The following SPOCK1 variants were observed in gnomAD, a reference collection of about 807,000 sequenced individuals.
SPOCK1 encodes testican-1.
Under a neutral mutation model 55.3 loss-of-function variants are expected in SPOCK1, and 23 were observed. That is an observed-to-expected ratio of 0.42 (90% CI 0.30 to 0.59). The LOEUF (loss-of-function observed/expected upper bound fraction) is 0.59. Among genes scored for constraint, SPOCK1 ranks in the 20% least tolerant of loss-of-function variants. The pLI is 0.22. For missense variants in SPOCK1, 499 were observed against 552.5 expected (o/e 0.90, Z 0.97); for synonymous variants, 226 against 221.0 (o/e 1.02, Z -0.20).
chr5:137,445,478 G>A (rs1753104406), intron 2 of SPOCK1, among the ~76,000 whole-genome samples: 1 of 152,156 alleles, frequency 6.6e-6, no homozygotes, highest in African/African-American at 2.4e-5. Flanking sequence ...AGGGAGGCTT[G>A]GGAAGCTTAC....
At chr5:136,985,103 T>G (rs1313424146) in intron 9 of SPOCK1, 37 bp downstream of exon 9, 12 of 1,593,228 alleles carry the variant, frequency 7.5e-6, no homozygotes, top group Non-Finnish European at 9.5e-6. Flanking sequence ...GCTGGCTTAA[T>G]TAGTTGTTTA....
At chr5:137,039,635 C>T (rs1229537586) in intron 6 of SPOCK1, among the ~76,000 whole-genome samples, 1 of 152,194 alleles carries the variant, frequency 6.6e-6, no homozygotes, top group Non-Finnish European at 1.5e-5. Context: ...CCCACACCAT[C>T]AGTAGGAAAG....
intron 2 of SPOCK1, among the ~76,000 whole-genome samples, chr5:137,466,312 G>A (rs1331724669): frequency 2.6e-5 from 4 of 152,248 alleles, no homozygotes; most frequent in African/African-American, 9.6e-5. Flanking sequence ...GTATTAAGAG[G>A]GTCATGCCTA....
chr5:137,270,103 G>A (rs1756933419), intron 2 of SPOCK1, among the ~76,000 whole-genome samples: 1 of 152,186 alleles, frequency 6.6e-6, no homozygotes, highest in Admixed American at 6.5e-5. Flanking sequence ...CCCTGAAGCT[G>A]ACAAAGTGCA....
chr5:137,171,069 A>G (rs563826950), intron 3 of SPOCK1, among the ~76,000 whole-genome samples: 36 of 152,128 alleles, frequency 2.4e-4, no homozygotes, highest in Non-Finnish European at 4.3e-4. Context: ...ACAGTGTCCT[A>G]TGGAGTGAAC....
At chr5:137,367,043 T>C (rs1440729648) in intron 2 of SPOCK1, among the ~76,000 whole-genome samples, 1 of 152,226 alleles carries the variant, frequency 6.6e-6, no homozygotes, top group Non-Finnish European at 1.5e-5. Context: ...TTCCAGTGTT[T>C]TTGTTTTGTC....
At chr5:137,054,151 T>C (rs183582507) in intron 6 of SPOCK1, among the ~76,000 whole-genome samples, 5 of 152,232 alleles carry the variant, frequency 3.3e-5, no homozygotes. Flanking sequence ...TTCATAATTA[T>C]CTCAATTAAT....
chr5:137,494,627 T>C (rs867814754), intron 2 of SPOCK1, among the ~76,000 whole-genome samples: 8 of 152,258 alleles, frequency 5.3e-5, no homozygotes, highest in African/African-American at 4.8e-5. Context: ...CAGACTGTAT[T>C]ATGTTTCTAG....
chr5:137,090,001 G>A (rs1054712356), intron 5 of SPOCK1, among the ~76,000 whole-genome samples: 1 of 152,182 alleles, frequency 6.6e-6, no homozygotes, highest in African/African-American at 2.4e-5. Flanking sequence ...CCAGGTGTAA[G>A]CACTAGGATC....
At chr5:137,352,606 G>A (rs1750707917) in intron 2 of SPOCK1, among the ~76,000 whole-genome samples, 1 of 152,138 alleles carries the variant, frequency 6.6e-6, no homozygotes, top group African/African-American at 2.4e-5. Context: ...AAGAAGCCAT[G>A]GTGGAAAGAC....
intron 7 of SPOCK1, among the ~76,000 whole-genome samples, chr5:136,989,019 C>CA (rs1750897880): frequency 6.6e-6 from 1 of 152,082 alleles, no homozygotes; most frequent in Non-Finnish European, 1.5e-5. Flanking sequence ...TTTCGTATTT[C>CA]AAAAAATACT....
intron 3 of SPOCK1, among the ~76,000 whole-genome samples, chr5:137,141,743 G>C (rs1043906670): frequency 6.6e-6 from 1 of 152,146 alleles, no homozygotes. Flanking sequence ...AGAGTGAACC[G>C]GCACAGAGAG....
chr5:137,244,437 A>G lies in SPOCK1; in HGVS notation c.232+22573T>C, dbSNP rs532132204. Reference sequence around the variant, plus strand: ...CACATAACAGAATTTGAAGGGGGAAAAAACCATTTTTGAGGCAACTAAAAA... The same window carrying G: ...CACATAACAGAATTTGAAGGGGGAAGAAACCATTTTTGAGGCAACTAAAAA... On this transcript the variant is annotated intron_variant, in intron 3 of 10. Transcript: ENST00000394945. 2.6e-4 allele frequency among the ~76,000 whole-genome samples: 39 copies of G among 152,348 alleles called. No homozygotes were observed. The South Asian group carries it at 7.0e-3, about 28-fold the overall frequency.
At chr5:137,132,375 T>G (rs965793496) in intron 4 of SPOCK1, among the ~76,000 whole-genome samples, 1 of 151,942 alleles carries the variant, frequency 6.6e-6, no homozygotes. Context: ...ACCTAGTAAT[T>G]ATCTATTCAA....
chr5:137,014,305 C>A (rs1250433191), intron 6 of SPOCK1, among the ~76,000 whole-genome samples: 1 of 152,182 alleles, frequency 6.6e-6, no homozygotes, highest in Non-Finnish European at 1.5e-5. Context: ...GTTCAGCCTG[C>A]AGAATCGTGA....
At chr5:137,114,204 G>A (rs1014644003) in intron 4 of SPOCK1, among the ~76,000 whole-genome samples, 1 of 152,180 alleles carries the variant, frequency 6.6e-6, no homozygotes, top group African/African-American at 2.4e-5. Context: ...TCTTATGAGT[G>A]TCCCCTGAAA....
intron 2 of SPOCK1, among the ~76,000 whole-genome samples, chr5:137,269,083 C>T (rs1279179662): frequency 1.5e-5 from 2 of 135,392 alleles, no homozygotes; most frequent in East Asian, 4.1e-4. Flanking sequence ...ACTATAATTA[C>T]CATTTTTACC....
At chr5:137,045,204 C>G (rs1371840726) in intron 6 of SPOCK1, among the ~76,000 whole-genome samples, 13 of 146,726 alleles carry the variant, frequency 8.9e-5, no homozygotes, top group Non-Finnish European at 1.5e-4. Flanking sequence ...TTCTAGATCC[C>G]TGAGGAATCG....
chr5:137,260,799 A>C (rs138395660), intron 3 of SPOCK1, among the ~76,000 whole-genome samples: 77 of 152,358 alleles, frequency 5.1e-4, no homozygotes, highest in African/African-American at 1.8e-3. Context: ...CAATACTCCA[A>C]ACTTTTTTTA....
Sources: allele counts gnomAD v4.1 joint callset (sites outside exome capture counted in the v4.1 genomes callset), GRCh38; gene constraint gnomAD v4.1.1; transcripts MANE v1.5; gene names NCBI Gene and HGNC (gene_info 2026-07-23, HGNC 2026-07-21).